Variants in TXNL4A observed in about 807,000 individuals in gnomAD.
The protein encoded by TXNL4A is thioredoxin like 4A, also known as thioredoxin-like protein 4A.
TXNL4A carries 17 observed loss-of-function variants against 14.6 expected under a neutral mutation model. The observed-to-expected ratio is 1.16, with a 90% confidence interval of 0.80 to 1.74. TXNL4A has a LOEUF of 1.74. TXNL4A is among the 40% of genes most tolerant of loss of function. The pLI is 0.00. For missense variants in TXNL4A, 74 were observed against 195.2 expected (o/e 0.38, Z 3.70); for synonymous variants, 83 against 70.6 (o/e 1.18, Z -0.88).
At chr18:80,013,467 C>T (rs1461383890) in intron 1 of TXNL4A, among the ~76,000 whole-genome samples, 5 of 151,758 alleles carry the variant, frequency 3.3e-5, no homozygotes, top group African/African-American at 7.3e-5. Flanking sequence ...TGGAGTCTCA[C>T]TCTGTTGCCC....
At position 79,970,845 on chromosome 18, in the gene TXNL4A, C is replaced by T. The variant is rs1355955412; in HGVS notation, c.*2840G>A. ...TAATTATTTTATCTTTTTCTGGTAA[C>T]GCCAGTAAAGCTGTTATCCTAAGAG... On this transcript the variant is annotated 3_prime_UTR_variant, in exon 3 of 3. Transcript: ENST00000269601. 4 of 186,254 alleles carry T rather than the reference C, an allele frequency of 2.1e-5. No homozygotes were observed. The highest frequency in any genetic ancestry group is 1.2e-4 in the East Asian group (1 of 8,678). The allele number at this position is 186,254 out of a possible 1,614,324, so 11.5% of individuals were successfully genotyped here.
chr18:79,973,613 G>A lies in TXNL4A; in HGVS notation c.*72C>T, dbSNP rs2051333177. 1 of 1,529,214 alleles carries A rather than the reference G, an allele frequency of 6.5e-7. No homozygotes were observed. Among genetic ancestry groups the A allele is most frequent in the Admixed American group, 2.2e-5 (1 of 46,108 alleles). 94.7% of individuals were successfully genotyped at this position (1,529,214 alleles called of 1,614,324 possible). On this transcript the variant is annotated 3_prime_UTR_variant, in exon 3 of 3. Coordinates refer to ENST00000269601, the MANE Select transcript of TXNL4A (RefSeq NM_006701.5). ...CTGGAGCTTCCTGTATTTTCCAAAG[G>A]CTTTAAATAGCTTAAAACGTTTCCA...
intron 1 of TXNL4A, among the ~76,000 whole-genome samples, chr18:79,997,286 A>G (rs894556458): frequency 6.6e-6 from 1 of 152,052 alleles, no homozygotes; most frequent in Non-Finnish European, 1.5e-5. Context: ...ACAGGAAGCT[A>G]CAGATGGAAT....
chr18:80,024,689 T>G (rs1223912023), intron 1 of TXNL4A, among the ~76,000 whole-genome samples: 1 of 152,154 alleles, frequency 6.6e-6, no homozygotes, highest in Non-Finnish European at 1.5e-5. Flanking sequence ...CCAAATAGGT[T>G]TCCTCTTTCA....
intron 1 of TXNL4A, among the ~76,000 whole-genome samples, chr18:80,032,273 G>A (rs1345148498): frequency 1.3e-5 from 2 of 152,132 alleles, no homozygotes; most frequent in African/African-American, 2.4e-5. Context: ...TGGGAAGAAA[G>A]GAGGAAGCAG....
chr18:79,989,910 C>G (rs2051614098), upstream of TXNL4A, among the ~76,000 whole-genome samples: 1 of 152,184 alleles, frequency 6.6e-6, no homozygotes, highest in South Asian at 2.1e-4. Context: ...GCAGGAGAAT[C>G]GCTTGAACCC....
At chr18:80,021,469 C>T (rs1411738574) in intron 1 of TXNL4A, among the ~76,000 whole-genome samples, 4 of 151,996 alleles carry the variant, frequency 2.6e-5, no homozygotes, top group Non-Finnish European at 4.4e-5. Context: ...GAGCCACTGC[C>T]CCTGGCTGGT....
At chr18:80,014,411 T>A (rs1414143416) in intron 1 of TXNL4A, among the ~76,000 whole-genome samples, 1 of 152,142 alleles carries the variant, frequency 6.6e-6, no homozygotes, top group Non-Finnish European at 1.5e-5. Context: ...TGGGAGAAAC[T>A]GGCCAAAACA....
At chr18:80,009,227 C>T (rs1028487630) in intron 1 of TXNL4A, among the ~76,000 whole-genome samples, 10 of 152,106 alleles carry the variant, frequency 6.6e-5, no homozygotes, top group African/African-American at 2.4e-4. Context: ...GAAGAAAATG[C>T]CTTTCACTGT....
chr18:80,004,606 G>A (rs890919434), intron 1 of TXNL4A, among the ~76,000 whole-genome samples: 9 of 152,152 alleles, frequency 5.9e-5, no homozygotes, highest in African/African-American at 2.2e-4. Context: ...CCTCGGCTTC[G>A]TGAAAGGGGT....
At chr18:80,023,062 G>C (rs531181619) in intron 1 of TXNL4A, among the ~76,000 whole-genome samples, 262 of 152,318 alleles carry the variant, frequency 1.7e-3, no homozygotes, top group African/African-American at 5.7e-3. Flanking sequence ...TATGGCCCCA[G>C]TGAAAAATTG....
chr18:80,024,105 C>G (rs545016591), intron 1 of TXNL4A, among the ~76,000 whole-genome samples: 1 of 151,970 alleles, frequency 6.6e-6, no homozygotes, highest in African/African-American at 2.4e-5. Flanking sequence ...GACAATTTGC[C>G]GAAGTCTGGG....
chr18:80,031,587 T>A (rs1032534010), intron 1 of TXNL4A, among the ~76,000 whole-genome samples: 13 of 152,202 alleles, frequency 8.5e-5, no homozygotes, highest in Non-Finnish European at 1.8e-4. Flanking sequence ...AGATGCTATA[T>A]GGGATATAGA....
intron 2 of TXNL4A, among the ~76,000 whole-genome samples, chr18:79,975,537 G>A (rs2051366064): frequency 6.6e-6 from 1 of 152,188 alleles, no homozygotes; most frequent in Admixed American, 6.5e-5. Context: ...ACGCTGTGGG[G>A]GGCAGAGACC....
At chr18:79,988,828 C>G (rs1258508178), upstream of TXNL4A, among the ~76,000 whole-genome samples, 2 of 152,186 alleles carry the variant, frequency 1.3e-5, no homozygotes, top group Non-Finnish European at 2.9e-5. Context: ...CCCGAGGCCG[C>G]CCGCCGCCGC....
intron 1 of TXNL4A, among the ~76,000 whole-genome samples, chr18:80,023,487 G>A (rs1261373833): frequency 6.6e-6 from 1 of 152,170 alleles, no homozygotes; most frequent in Non-Finnish European, 1.5e-5. Context: ...TTTGGGGTTT[G>A]ATAGGATGTC....
chr18:79,983,163 G>T (rs2051490077), intron 1 of TXNL4A, among the ~76,000 whole-genome samples: 1 of 152,058 alleles, frequency 6.6e-6, no homozygotes, highest in Non-Finnish European at 1.5e-5. Flanking sequence ...ACCACATCTG[G>T]CTAAGTTTTG....
chr18:79,988,654 C>T (rs1201870118), upstream of TXNL4A: 1 of 315,144 alleles, frequency 3.2e-6, no homozygotes, highest in Non-Finnish European at 5.7e-6. Flanking sequence ...AGGCGCCGCG[C>T]GAACGTGTAG....
At chr18:80,030,090 T>C (rs1209103311) in intron 1 of TXNL4A, among the ~76,000 whole-genome samples, 12 of 152,164 alleles carry the variant, frequency 7.9e-5, no homozygotes. Flanking sequence ...ATCTCTCTCA[T>C]CTTAAGGCAC....
Sources: gnomAD v4.1 joint callset for allele counts (sites outside exome capture counted in the v4.1 genomes callset) on GRCh38, gnomAD v4.1.1 for gene constraint, MANE v1.5 for transcripts, NCBI Gene and HGNC (gene_info 2026-07-23, HGNC 2026-07-21) for gene names.